Variants in MPZL3 observed in about 807,000 individuals in gnomAD.
MPZL3 encodes myelin protein zero like 3, also known as myelin protein zero-like protein 3.
Under a neutral mutation model 24.8 loss-of-function variants are expected in MPZL3, and 23 were observed. The ratio of observed to expected loss-of-function variants is 0.93; its 90% CI spans 0.67 to 1.31. The LOEUF is 1.31. Among genes scored for constraint, MPZL3 ranks in the 40% most tolerant of loss-of-function variants. The probability of loss-of-function intolerance (pLI) is 0.00; values close to 1 mark genes in which losing one functional copy is unlikely to be tolerated. For synonymous variants in MPZL3, 99 were observed against 106.5 expected (o/e 0.93, Z 0.44); for missense variants, 277 against 294.9 (o/e 0.94, Z 0.44).
chr11:118,232,781 G>A (rs903738369), intron 5 of MPZL3, among the ~76,000 whole-genome samples: 14 of 152,138 alleles, frequency 9.2e-5, no homozygotes, highest in African/African-American at 3.4e-4. Context: ...CGAGCCAAGT[G>A]TGAGCTTGGC....
chr11:118,226,878 C>A lies in MPZL3; in HGVS notation c.*3016G>T, dbSNP rs1949277928. 6.6e-6 allele frequency: 1 copy of A among 152,352 alleles called. No homozygotes were observed. The highest frequency in any genetic ancestry group is 1.9e-4 in the East Asian group (1 of 5,196). 9.4% of individuals were successfully genotyped at this position (152,352 alleles called of 1,614,324 possible). On this transcript the variant is annotated 3_prime_UTR_variant, in exon 6 of 6. Transcript: ENST00000278949. Reference sequence around the variant, plus strand: ...AAAGGAATGGAGCTGCCTCTTCTGGCAGCAAAGTTTCAAGTTGTGCAATTA... The same window carrying A: ...AAAGGAATGGAGCTGCCTCTTCTGGAAGCAAAGTTTCAAGTTGTGCAATTA...
chr11:118,251,185 A>G (rs983344721), intron 1 of MPZL3, among the ~76,000 whole-genome samples: 1 of 151,858 alleles, frequency 6.6e-6, no homozygotes. Context: ...ATCATACTGC[A>G]AAGTAATTTA....
rs1949288995 is a variant in MPZL3 at position 118,227,759 on chromosome 11, C to T, written c.*2135G>A. On this transcript the variant is annotated 3_prime_UTR_variant, in exon 6 of 6. Transcript: ENST00000278949. The stretch of plus-strand genomic sequence containing the variant: ...CCCTGCATTAATCTTCACAACACAC[C>T]TGCGAGGACATTACAAGAAGGCCCA... 3.9e-5 allele frequency: 6 copies of T among 152,162 alleles called. No homozygotes were observed. Among genetic ancestry groups the T allele is most frequent in the Admixed American group, 3.9e-4 (6 of 15,276 alleles). The allele number at this position is 152,162 out of a possible 1,614,324, so 9.4% of individuals were successfully genotyped here.
intron 2 of MPZL3, 63 bp from the exon 3 acceptor site, chr11:118,237,323 C>A: frequency 7.0e-7 from 1 of 1,428,078 alleles, no homozygotes; most frequent in South Asian, 1.2e-5. Context: ...ATATAAAGCT[C>A]AGTAGGTCCA....
In MPZL3 at chr11:118,228,661, A is replaced by G. The variant is rs967574527; in HGVS notation, c.*1233T>C. The G allele has an allele frequency of 2.5e-4, 38 of 152,342 alleles. No homozygotes were observed. The Middle Eastern group carries it at 0.01, about 41-fold the overall frequency. 9.4% of individuals were successfully genotyped at this position (152,342 alleles called of 1,614,324 possible). Reference sequence around the variant, plus strand: ...CACTTGCAAATACCATAGTTTACTCACAGTTGGCACATTTTAGAAATCAAC... The same window carrying G: ...CACTTGCAAATACCATAGTTTACTCGCAGTTGGCACATTTTAGAAATCAAC... On this transcript the variant is annotated 3_prime_UTR_variant, in exon 6 of 6. Transcript: ENST00000278949.
At chr11:118,239,374 T>A (rs1342427331) in intron 2 of MPZL3, among the ~76,000 whole-genome samples, 1 of 152,234 alleles carries the variant, frequency 6.6e-6, no homozygotes, top group Non-Finnish European at 1.5e-5. Context: ...AGCTTATTTA[T>A]ACATGAAAGT....
At position 118,249,367 on chromosome 11, in the gene MPZL3, T is replaced by C. The variant is rs141810888; in HGVS notation, c.73+2855A>G. 3.3e-5 allele frequency among the ~76,000 whole-genome samples: 5 copies of C among 152,270 alleles called. No homozygotes were observed. The East Asian group carries it at 9.6e-4, about 29-fold the overall frequency. Reference sequence around the variant, plus strand: ...TATATATACTGAAATTAAAAAATGTTTTAAAACCAATGGATGTAAGACAGT... The same window carrying C: ...TATATATACTGAAATTAAAAAATGTCTTAAAACCAATGGATGTAAGACAGT... On this transcript the variant is annotated intron_variant, in intron 1 of 5. Coordinates refer to ENST00000278949, the MANE Select transcript of MPZL3 (RefSeq NM_198275.3).
At chr11:118,249,410 A>T (rs528137915) in intron 1 of MPZL3, among the ~76,000 whole-genome samples, 1 of 152,034 alleles carries the variant, frequency 6.6e-6, no homozygotes, top group Admixed American at 6.6e-5. Flanking sequence ...TTCCACTCAT[A>T]AAAAAAATAC....
intron 2 of MPZL3, among the ~76,000 whole-genome samples, chr11:118,237,674 T>C (rs928981891): frequency 6.6e-6 from 1 of 152,108 alleles, no homozygotes. Context: ...CAAAGAATTA[T>C]CTGGCTCAAA....
intron 1 of MPZL3, 26 bp downstream of exon 1, chr11:118,252,196 G>A (rs775397483): frequency 9.3e-6 from 15 of 1,612,414 alleles, no homozygotes; most frequent in South Asian, 5.5e-5. Context: ...GGCCGGAAGT[G>A]GAGCGTAGCC....
In MPZL3 at chr11:118,228,092, T is replaced by C. The variant is rs1949294365; in HGVS notation, c.*1802A>G. On this transcript the variant is annotated 3_prime_UTR_variant, in exon 6 of 6. Coordinates refer to ENST00000278949, the MANE Select transcript of MPZL3 (RefSeq NM_198275.3). The stretch of plus-strand genomic sequence containing the variant: ...GCCGGTCCTGTCTTTGCCCTTCTAC[T>C]TCCTCGCGTGACCAGAGTCAAATCA... The C allele has an allele frequency of 6.6e-6, 1 of 152,188 alleles. No individual in the cohort carries two copies. Among genetic ancestry groups the C allele is most frequent in the Non-Finnish European group, 1.5e-5 (1 of 68,040 alleles). The allele number at this position is 152,188 out of a possible 1,614,324, so 9.4% of individuals were successfully genotyped here.
rs142800645 is a variant in MPZL3, at chr11:118,252,281, C to G, written c.14G>C (p.Gly5Ala). The change falls in exon 1 of 6, where the codon GGA (glycine) becomes GCA (alanine). Residue 5 changes from glycine to alanine, a missense_variant. Transcript: ENST00000278949. ...AGCGCAGCCACGGCTTCCAGCTGCTCCTCTCTGCTGCATCCCGGCAGCTCT... is the reference window on the plus strand; with the variant it reads ...AGCGCAGCCACGGCTTCCAGCTGCTGCTCTCTGCTGCATCCCGGCAGCTCT... MQQR[G>A]AAGSRGCALF... The G allele has an allele frequency of 5.0e-6, 8 of 1,613,904 alleles. No homozygotes were observed. The African/African-American group carries it at 5.3e-5, about 11-fold the overall frequency.
chr11:118,235,031 T>G (rs1434092127), intron 4 of MPZL3, among the ~76,000 whole-genome samples: 1 of 152,214 alleles, frequency 6.6e-6, no homozygotes, highest in African/African-American at 2.4e-5. Flanking sequence ...ACAGCTATTC[T>G]TAAAGCCTCT....
At chr11:118,233,570 A>C in intron 4 of MPZL3, 47 bp from the exon 5 acceptor site, 1 of 1,586,230 alleles carries the variant, frequency 6.3e-7, no homozygotes, top group Non-Finnish European at 8.6e-7. Flanking sequence ...TATCCTCAAT[A>C]GAGTAGAGCA....
chr11:118,235,399 T>C, intron 4 of MPZL3, 25 bp downstream of exon 4: 1 of 1,611,370 alleles, frequency 6.2e-7, no homozygotes, highest in South Asian at 1.1e-5. Flanking sequence ...ACAGGCTTGC[T>C]GCCCAGGGCT....
chr11:118,245,465 G>A (rs1462826455), intron 1 of MPZL3, among the ~76,000 whole-genome samples: 1 of 152,242 alleles, frequency 6.6e-6, no homozygotes, highest in African/African-American at 2.4e-5. Context: ...GTTAGGGAAA[G>A]GGAGGTATCA....
At chr11:118,242,543 A>G (rs1282760746) in intron 1 of MPZL3, among the ~76,000 whole-genome samples, 1 of 152,110 alleles carries the variant, frequency 6.6e-6, no homozygotes, top group Admixed American at 6.5e-5. Context: ...CAATCCCTTC[A>G]TCATTACTTG....
chr11:118,249,103 C>T (rs927859546), intron 1 of MPZL3, among the ~76,000 whole-genome samples: 2 of 151,992 alleles, frequency 1.3e-5, no homozygotes, highest in African/African-American at 2.4e-5. Flanking sequence ...AGTGCAGTGG[C>T]GTGATCTTGG....
chr11:118,243,875 C>T (rs190465431), intron 1 of MPZL3, among the ~76,000 whole-genome samples: 1 of 152,162 alleles, frequency 6.6e-6, no homozygotes, highest in East Asian at 1.9e-4. Flanking sequence ...TTTAAAAAAT[C>T]TTTCTTTAAC....
Sources: gnomAD v4.1 joint callset for allele counts (sites outside exome capture counted in the v4.1 genomes callset) on GRCh38, gnomAD v4.1.1 for gene constraint, MANE v1.5 for transcripts, NCBI Gene and HGNC (gene_info 2026-07-23, HGNC 2026-07-21) for gene names.